RTKN2: variants seen among roughly 807,000 people sequenced by gnomAD.
RTKN2 encodes the protein rhotekin-2.
A neutral mutation model predicts 71.5 loss-of-function variants in RTKN2; 69 were observed. The ratio of observed to expected loss-of-function variants is 0.96; its 90% CI spans 0.79 to 1.18. RTKN2 has a LOEUF of 1.18. Ranked by LOEUF, RTKN2 falls within the 50% of genes most tolerant of loss-of-function variation. The pLI is 0.00. For missense variants in RTKN2, 724 were observed against 719.7 expected (o/e 1.01, Z -0.07); for synonymous variants, 236 against 236.5 (o/e 1.00, Z 0.02).
In RTKN2 at chr10:62,262,732, T is replaced by G. The variant is rs765456075; in HGVS notation, c.150A>C (p.Gln50His). 2 of 1,613,352 alleles carry G rather than the reference T, an allele frequency of 1.2e-6. No individual in the cohort carries two copies. Among genetic ancestry groups the G allele is most frequent in the Non-Finnish European group, 1.7e-6 (2 of 1,179,450 alleles). The change falls in exon 2 of 12, where the codon CAA becomes CAC. Residue 50 changes from glutamine (Q) to histidine (H), a missense_variant. Gln to His is a conservative substitution (Grantham distance 24, BLOSUM62 0). Transcript: ENST00000373789. ...TGAGATTCTTAACTGCATGTAAAAC[T>G]TGATCTTTCTGAGTGCTCAGAGAAA... ...KLLSLSTQKD[Q>H]VLHAVKNLMV... is the part of the protein sequence containing the mutation.
chr10:62,185,704 C>G (rs769426953), intron 8 of RTKN2, among the ~76,000 whole-genome samples: 1 of 152,146 alleles, frequency 6.6e-6, no homozygotes, highest in African/African-American at 2.4e-5. Context: ...TGGTTTGGTT[C>G]CTTTAGGAAG....
chr10:62,198,471 T>C (rs546982562), intron 11 of RTKN2, 28 bp from the exon 12 acceptor site: 2 of 1,375,014 alleles, frequency 1.5e-6, no homozygotes, highest in East Asian at 2.3e-5. Flanking sequence ...AAAAAAAACA[T>C]GAAAAAATTC....
chr10:62,212,492 G>A (rs1028466762), intron 9 of RTKN2, among the ~76,000 whole-genome samples: 3 of 151,926 alleles, frequency 2.0e-5, no homozygotes, highest in Admixed American at 6.6e-5. Context: ...TGCTTGAGCC[G>A]AGGAGTTTGA....
At chr10:62,234,204 G>A (rs973094953) in intron 6 of RTKN2, among the ~76,000 whole-genome samples, 2 of 152,074 alleles carry the variant, frequency 1.3e-5, no homozygotes, top group African/African-American at 4.8e-5. Flanking sequence ...GCATCAAAGA[G>A]AATGGCAGAT....
At chr10:62,209,588 T>G (rs1371505319) in intron 9 of RTKN2, among the ~76,000 whole-genome samples, 2 of 152,136 alleles carry the variant, frequency 1.3e-5, no homozygotes, top group African/African-American at 4.8e-5. Flanking sequence ...TAACTATTAG[T>G]TATTTTTCCT....
Position 62,197,476 on chromosome 10 carries a change from T to A in RTKN2, c.*432A>T. The A allele has an allele frequency of 1.0e-6, 1 of 986,424 alleles. No homozygotes were observed. The highest frequency in any genetic ancestry group is 1.2e-6 in the Non-Finnish European group (1 of 830,170). 61.1% of individuals were successfully genotyped at this position (986,424 alleles called of 1,614,324 possible). On this transcript the variant is annotated 3_prime_UTR_variant, in exon 12 of 12. Coordinates refer to ENST00000373789, the MANE Select transcript of RTKN2 (RefSeq NM_145307.4). ...AATTTTCTTGGGTGGATTCTATAAT[T>A]TGTGGTTTGAATAAAACCTTTGAAA... is the stretch of plus-strand genomic sequence containing the variant.
chr10:62,224,990 G>A, intron 6 of RTKN2, among the ~76,000 whole-genome samples: 1 of 152,034 alleles, frequency 6.6e-6, no homozygotes, highest in Middle Eastern at 3.2e-3. Context: ...GGAATGATAG[G>A]GTCTGATTTA....
In RTKN2 at chr10:62,204,973, T is replaced by C. The variant is rs754002988; in HGVS notation, c.1070A>G (p.Asn357Ser). ...MDKDAKKRIH[N>S]FSVINPVPGQ... is the part of the protein sequence containing the mutation. Reference sequence around the variant, plus strand: ...AGGAACAGGATTGATGACAGAGAAATTATGGATTCTTTTCTTGGCATCCTT... The same window carrying C: ...AGGAACAGGATTGATGACAGAGAAACTATGGATTCTTTTCTTGGCATCCTT... The change falls in exon 10 of 12, where the codon AAT becomes AGT. Residue 357 changes from asparagine (N) to serine (S), a missense_variant. By Grantham distance (46) the Asn-to-Ser change is conservative (BLOSUM62 1). Transcript: ENST00000373789. 3.8e-6 allele frequency: 6 copies of C among 1,599,058 alleles called. No homozygotes were observed. The highest frequency in any genetic ancestry group is 5.1e-6 in the Non-Finnish European group (6 of 1,175,314).
chr10:62,265,320 A>G (rs1400247915), intron 1 of RTKN2, among the ~76,000 whole-genome samples: 1 of 152,184 alleles, frequency 6.6e-6, no homozygotes, highest in Non-Finnish European at 1.5e-5. Flanking sequence ...CCTTTAAGCT[A>G]CAAGGGCAGA....
chr10:62,198,316 A>G lies in RTKN2; in HGVS notation c.1422T>C (p.Phe474=). 6.2e-7 allele frequency: 1 copy of G among 1,613,968 alleles called. No individual in the cohort carries two copies. The highest frequency in any genetic ancestry group is 2.2e-5 in the East Asian group (1 of 44,878). ...ESLPPPWATL[F]DGNHQMVIQK... The stretch of plus-strand genomic sequence containing the variant: ...GGATGACCATTTGATGGTTACCATC[A>G]AAGAGTGTGGCCCAAGGAGGTGGTA... The change falls in exon 12 of 12, where the codon TTT becomes TTC. Residue 474 remains phenylalanine, a synonymous_variant. Transcript: ENST00000373789.
chr10:62,198,281 A>T lies in RTKN2; in HGVS notation c.1457T>A (p.Val486Glu), dbSNP rs752095107. 1 of 1,613,876 alleles carries T rather than the reference A, an allele frequency of 6.2e-7. No homozygotes were observed. The highest frequency in any genetic ancestry group is 8.5e-7 in the Non-Finnish European group (1 of 1,179,888). ...GNHQMVIQKK[V>E]LYPASEPLHD... ...TAATGGCTCACTTGCAGGATACAGT[A>T]CCTTTTTCTGGATGACCATTTGATG... The change falls in exon 12 of 12, where the codon GTA becomes GAA. Residue 486 changes from valine to glutamate, a missense_variant. Transcript: ENST00000373789.
At position 62,194,722 on chromosome 10, in the gene RTKN2, C is replaced by A; in HGVS notation, c.*3186G>T. ...AACTTCTCAGTAGGGGGCTGAGGTG[C>A]TGAACATAAGCCTAAAGAAATACTT... On this transcript the variant is annotated 3_prime_UTR_variant, in exon 12 of 12. Coordinates refer to ENST00000373789, the MANE Select transcript of RTKN2 (RefSeq NM_145307.4). 1 of 985,382 alleles carries A rather than the reference C, an allele frequency of 1.0e-6. No individual in the cohort carries two copies. The highest frequency in any genetic ancestry group is 1.2e-6 in the Non-Finnish European group (1 of 829,912). The allele number at this position is 985,382 out of a possible 1,614,324, so 61.0% of individuals were successfully genotyped here.
chr10:62,202,218 C>T (rs1200423169), intron 10 of RTKN2, among the ~76,000 whole-genome samples: 1 of 152,138 alleles, frequency 6.6e-6, no homozygotes, highest in East Asian at 1.9e-4. Context: ...CCTTGCCCAC[C>T]AACATCCACC....
At chr10:62,254,098 G>T (rs905728846) in intron 2 of RTKN2, among the ~76,000 whole-genome samples, 5 of 152,118 alleles carry the variant, frequency 3.3e-5, no homozygotes, top group African/African-American at 1.2e-4. Flanking sequence ...AAACAAATAA[G>T]TCTGTTTATG....
rs1221796458 is a variant in RTKN2, at chr10:62,196,352, C to G, written c.*1556G>C. The G allele has an allele frequency of 1.9e-5, 19 of 984,400 alleles. No homozygotes were observed. Among genetic ancestry groups the G allele is most frequent in the Middle Eastern group, 5.2e-4 (1 of 1,914 alleles). 61.0% of individuals were successfully genotyped at this position (984,400 alleles called of 1,614,324 possible). Reference sequence around the variant, plus strand: ...GCAGGCATATAGTACTTTCTTCTCACCAAAAACTCTGTCTGTCCTGATGTT... The same window carrying G: ...GCAGGCATATAGTACTTTCTTCTCAGCAAAAACTCTGTCTGTCCTGATGTT... On this transcript the variant is annotated 3_prime_UTR_variant, in exon 12 of 12. Coordinates refer to ENST00000373789, the MANE Select transcript of RTKN2 (RefSeq NM_145307.4).
chr10:62,242,869 G>T (rs1182955551), intron 3 of RTKN2, among the ~76,000 whole-genome samples: 1 of 151,984 alleles, frequency 6.6e-6, no homozygotes, highest in African/African-American at 2.4e-5. Flanking sequence ...GACCTCAAGT[G>T]ATCTGCCTGC....
intron 7 of RTKN2, 28 bp from the exon 8 acceptor site, chr10:62,218,329 AT>A (rs1446567597): frequency 9.5e-7 from 1 of 1,053,936 alleles, no homozygotes; most frequent in East Asian, 2.6e-5. Flanking sequence ...AAAAAAAAAA[AT>A]CAAGTTATAA....
intron 2 of RTKN2, among the ~76,000 whole-genome samples, chr10:62,250,606 G>C (rs1388379699): frequency 6.6e-6 from 1 of 152,146 alleles, no homozygotes; most frequent in Admixed American, 6.5e-5. Flanking sequence ...AAAAATTCCA[G>C]AAATAAATAA....
In RTKN2 at chr10:62,251,023, G is replaced by A. The variant is rs1013334064; in HGVS notation, c.258-4966C>T. Among the ~76,000 whole-genome samples, 7 of 152,186 alleles carry A rather than the reference G, an allele frequency of 4.6e-5. No homozygotes were observed. In the East Asian group the frequency reaches 1.2e-3, roughly 25 times the overall value. The stretch of plus-strand genomic sequence containing the variant: ...GGGATGTGAATCATCCCTTTGTCCA[G>A]TGTATCCATGCTGTACACATCACCT... On this transcript the variant is annotated intron_variant, in intron 2 of 11. Coordinates refer to ENST00000373789, the MANE Select transcript of RTKN2 (RefSeq NM_145307.4).
Sources: gnomAD v4.1 joint callset for allele counts (sites outside exome capture counted in the v4.1 genomes callset) on GRCh38, gnomAD v4.1.1 for gene constraint, MANE v1.5 for transcripts, NCBI Gene and HGNC (gene_info 2026-07-23, HGNC 2026-07-21) for gene names.